Variants in ARMC2 observed in about 807,000 individuals in gnomAD.
The protein encoded by ARMC2 is armadillo repeat-containing protein 2.
A neutral mutation model predicts 90.3 loss-of-function variants in ARMC2; 67 were observed. The observed-to-expected ratio is 0.74, with a 90% CI of 0.61 to 0.91. ARMC2 has a LOEUF of 0.91. ARMC2 is among the 40% of genes least tolerant of loss of function. The probability of loss-of-function intolerance (pLI) is 0.00; values close to 1 mark genes in which losing one functional copy is unlikely to be tolerated. For synonymous variants in ARMC2, 393 were observed against 393.0 expected, an observed-to-expected ratio of 1.00 and a Z score of 0.00; for missense variants, 920 against 1,030.9, an observed-to-expected ratio of 0.89 and a Z score of 1.47.
chr6:108,928,915 G>C (rs1775310806), intron 11 of ARMC2, among the ~76,000 whole-genome samples: 1 of 152,168 alleles, frequency 6.6e-6, no homozygotes, highest in African/African-American at 2.4e-5. Context: ...AAAATTTCCT[G>C]AAGACTGAAT....
intron 1 of ARMC2, among the ~76,000 whole-genome samples, chr6:108,853,174 G>C (rs901874984): frequency 6.6e-6 from 1 of 152,142 alleles, no homozygotes; most frequent in Non-Finnish European, 1.5e-5. Context: ...CATATGAAAA[G>C]TATGACATAT....
chr6:108,862,993 G>A (rs1775434086), intron 3 of ARMC2, among the ~76,000 whole-genome samples: 1 of 152,132 alleles, frequency 6.6e-6, no homozygotes, highest in South Asian at 2.1e-4. Context: ...GCGGGCAATG[G>A]GCTGCCCACA....
At chr6:109,024,838 G>T in the ARMC2 span, among the ~76,000 whole-genome samples, 1 of 152,208 alleles carries the variant, frequency 6.6e-6, no homozygotes, top group African/African-American at 2.4e-5. Context: ...TCTACTGAAT[G>T]TGTGTTGCTT....
intron 12 of ARMC2, among the ~76,000 whole-genome samples, chr6:108,938,793 C>T (rs1485787113): frequency 6.6e-6 from 1 of 151,900 alleles, no homozygotes; most frequent in Non-Finnish European, 1.5e-5. Flanking sequence ...TAATTGAGTA[C>T]TCACAAATAG....
At chr6:109,003,168 C>CT in the ARMC2 span, among the ~76,000 whole-genome samples, 1 of 151,716 alleles carries the variant, frequency 6.6e-6, no homozygotes, top group East Asian at 1.9e-4. Flanking sequence ...TATATTTCAA[C>CT]TTTTTGTTGT....
the ARMC2 span, among the ~76,000 whole-genome samples, chr6:109,046,104 TCTCC>T: frequency 6.6e-6 from 1 of 151,960 alleles, no homozygotes; most frequent in Non-Finnish European, 1.5e-5. Flanking sequence ...GCTCTAGCCC[TCTCC>T]CTCTCCCTCT....
chr6:108,964,085 A>G (rs1778187155), intron 15 of ARMC2, 95 bp from the exon 16 acceptor site: 31 of 1,409,866 alleles, frequency 2.2e-5, no homozygotes, highest in Non-Finnish European at 2.8e-5. Flanking sequence ...CTGGGTTTGC[A>G]AGCCACTCCC....
At chr6:108,876,376 C>G (rs770369706) in intron 5 of ARMC2, 26 bp downstream of exon 5, 4 of 1,592,224 alleles carry the variant, frequency 2.5e-6, no homozygotes, top group Non-Finnish European at 3.4e-6. Flanking sequence ...ATTTAATTTT[C>G]TGGTCAGGAT....
intron 7 of ARMC2, among the ~76,000 whole-genome samples, chr6:108,902,464 A>G (rs1425894006): frequency 2.0e-5 from 3 of 152,204 alleles, no homozygotes; most frequent in Non-Finnish European, 2.9e-5. Context: ...TAGGGTTTGT[A>G]AAGAAACTGC....
At chr6:108,880,521 A>G (rs1423890049) in intron 5 of ARMC2, among the ~76,000 whole-genome samples, 1 of 152,204 alleles carries the variant, frequency 6.6e-6, no homozygotes, top group Non-Finnish European at 1.5e-5. Flanking sequence ...ATGGAGAGAG[A>G]TGCTGAGAGG....
At chr6:109,014,042 A>T in the ARMC2 span, among the ~76,000 whole-genome samples, 11 of 150,552 alleles carry the variant, frequency 7.3e-5, no homozygotes, top group Non-Finnish European at 1.5e-4. Flanking sequence ...TTTTAGAATT[A>T]TATCACTTTA....
At chr6:108,936,843 T>C in intron 11 of ARMC2, 57 bp from the exon 12 acceptor site, 1 of 1,408,092 alleles carries the variant, frequency 7.1e-7, no homozygotes. Context: ...CTATGTGTAC[T>C]TGAATTTTAT....
At chr6:108,968,942 T>C (rs916594111) in intron 17 of ARMC2, among the ~76,000 whole-genome samples, 1 of 152,218 alleles carries the variant, frequency 6.6e-6, no homozygotes, top group Non-Finnish European at 1.5e-5. Context: ...CTTCCCATTA[T>C]ACTGCAGTCA....
intron 10 of ARMC2, among the ~76,000 whole-genome samples, chr6:108,919,065 T>G (rs1712921640): frequency 6.6e-6 from 1 of 152,150 alleles, no homozygotes; most frequent in African/African-American, 2.4e-5. Flanking sequence ...TGTATGGGAT[T>G]CTGGGTACAT....
At chr6:109,047,675 T>C in the ARMC2 span, among the ~76,000 whole-genome samples, 4 of 146,614 alleles carry the variant, frequency 2.7e-5, no homozygotes, top group Admixed American at 2.7e-4. Flanking sequence ...GGGGAAAAGA[T>C]TGAGAAATCG....
At chr6:109,015,581 A>G in the ARMC2 span, among the ~76,000 whole-genome samples, 17 of 152,282 alleles carry the variant, frequency 1.1e-4, no homozygotes, top group South Asian at 3.5e-3. Context: ...ACATATTACA[A>G]TGTTTAGAGG....
chr6:108,935,189 C>G (rs1274259043), intron 11 of ARMC2, among the ~76,000 whole-genome samples: 2 of 152,112 alleles, frequency 1.3e-5, no homozygotes, highest in Admixed American at 1.3e-4. Flanking sequence ...TTTTCTTAGT[C>G]TTGCAAAATC....
At chr6:108,987,535 G>A in the ARMC2 span, 1 of 1,506,412 alleles carries the variant, frequency 6.6e-7, no homozygotes, top group Non-Finnish European at 9.2e-7. Context: ...CTTTAATGAA[G>A]GAAAGGCATC....
At chr6:108,888,447 T>C (rs1323029697) in intron 5 of ARMC2, among the ~76,000 whole-genome samples, 1 of 152,190 alleles carries the variant, frequency 6.6e-6, no homozygotes, top group Non-Finnish European at 1.5e-5. Context: ...CCATAGGAGA[T>C]GACTTTATGT....
Sources: gnomAD v4.1 joint callset for allele counts (sites outside exome capture counted in the v4.1 genomes callset) on GRCh38, gnomAD v4.1.1 for gene constraint, MANE v1.5 for transcripts, NCBI Gene and HGNC (gene_info 2026-07-23, HGNC 2026-07-21) for gene names.